The following IL7R variants were observed in gnomAD, a reference collection of about 807,000 sequenced individuals.
IL7R encodes the protein interleukin 7 receptor, also known as interleukin-7 receptor subunit alpha.
IL7R carries 38 observed loss-of-function variants against 47.0 expected under a neutral mutation model. The ratio of observed to expected loss-of-function variants is 0.81; its 90% CI spans 0.62 to 1.06. The LOEUF (loss-of-function observed/expected upper bound fraction) is 1.06, where lower values mean the gene tolerates loss of function less well. Among genes scored for constraint, IL7R ranks in the 50% least tolerant of loss-of-function variants. The pLI is 0.00. For missense variants in IL7R, 633 were observed against 534.8 expected, an observed-to-expected ratio of 1.18 and a Z score of -1.81; for synonymous variants, 221 against 199.8, an observed-to-expected ratio of 1.11 and a Z score of -0.89.
chr5:35,873,381 T>C (rs1290409872), intron 4 of IL7R, 99 bp from the exon 5 acceptor site: 12 of 1,014,382 alleles, frequency 1.2e-5, no homozygotes, highest in Non-Finnish European at 1.7e-5. Context: ...CTTCAGAGAA[T>C]GCTTATGGGA....
At chr5:35,865,884 G>A (rs1001594797) in intron 2 of IL7R, among the ~76,000 whole-genome samples, 5 of 152,106 alleles carry the variant, frequency 3.3e-5, no homozygotes, top group Non-Finnish European at 7.4e-5. Flanking sequence ...TCAGAGAAAC[G>A]CAAATCAAAT....
chr5:35,865,132 C>A (rs1360864868), intron 2 of IL7R, among the ~76,000 whole-genome samples: 1 of 152,066 alleles, frequency 6.6e-6, no homozygotes, highest in Non-Finnish European at 1.5e-5. Flanking sequence ...ATGACTGGCC[C>A]TGGTGTGTGA....
rs1420287298 is a variant in IL7R, at chr5:35,867,325, A to C, written c.241A>C (p.Lys81Gln). ...CTACAGTGGGGCCCTCGTGGAGGTA[A>C]AGTGCCTGAATTTCAGGAAACTACA... Reference protein sequence around the residue: ...FEICGALVEVKCLNFRKLQEI... With the variant: ...FEICGALVEVQCLNFRKLQEI... Residue 81 changes from lysine to glutamine, a missense_variant, in exon 3 of 8, where the codon AAG (lysine) becomes CAG (glutamine). Lys to Gln is a moderately conservative substitution (Grantham distance 53, BLOSUM62 1). Transcript: ENST00000303115. 3 of 1,613,662 alleles carry C rather than the reference A, an allele frequency of 1.9e-6. No individual in the cohort carries two copies. The highest frequency in any genetic ancestry group is 2.7e-5 in the African/African-American group (2 of 74,898).
intron 6 of IL7R, among the ~76,000 whole-genome samples, chr5:35,875,219 T>C (rs551059504): frequency 1.3e-5 from 2 of 152,332 alleles, no homozygotes; most frequent in East Asian, 3.9e-4. Flanking sequence ...ATTACCTCCT[T>C]GCAAGCCTTG....
At chr5:35,870,137 C>A (rs1012664727) in intron 3 of IL7R, among the ~76,000 whole-genome samples, 3 of 152,204 alleles carry the variant, frequency 2.0e-5, no homozygotes, top group African/African-American at 7.2e-5. Context: ...ACTAACTTCC[C>A]AGGCTGTGAC....
intron 1 of IL7R, among the ~76,000 whole-genome samples, chr5:35,857,774 A>G (rs547116157): frequency 1.3e-4 from 20 of 152,244 alleles, no homozygotes; most frequent in African/African-American, 4.6e-4. Flanking sequence ...ACATAAACAC[A>G]TTGTAATTAT....
Position 35,863,982 on chromosome 5 carries a change from A to G in IL7R, c.221+2992A>G, listed in dbSNP as rs573450876. 4.7e-4 allele frequency among the ~76,000 whole-genome samples: 71 copies of G among 152,272 alleles called. 1 individual carries two copies. The highest frequency in any genetic ancestry group is 1.4e-3 in the African/African-American group (59 of 41,572). On this transcript the variant is annotated intron_variant, in intron 2 of 7. Transcript: ENST00000303115. ...ATGTCTATGACCTGTAGCCATTCCA[A>G]TGGTAAAGATATAGAACTTATTTTT...
At chr5:35,860,632 C>T (rs1035164173) in intron 1 of IL7R, among the ~76,000 whole-genome samples, 1 of 151,984 alleles carries the variant, frequency 6.6e-6, no homozygotes, top group Non-Finnish European at 1.5e-5. Context: ...TTGGAAAACT[C>T]TGTTAGCATT....
chr5:35,866,003 C>G (rs1334438931), intron 2 of IL7R, among the ~76,000 whole-genome samples: 1 of 152,126 alleles, frequency 6.6e-6, no homozygotes, highest in African/African-American at 2.4e-5. Context: ...CTTAGGGAAA[C>G]AATTCATGTT....
At position 35,876,135 on chromosome 5, in the gene IL7R, T is replaced by C. The variant is rs2149905510; in HGVS notation, c.1029T>C (p.Asp343=). The C allele has an allele frequency of 6.2e-7, 1 of 1,614,182 alleles. No individual in the cohort carries two copies. Among genetic ancestry groups the C allele is most frequent in the Admixed American group, 1.7e-5 (1 of 60,016 alleles). Residue 343 remains aspartate (D), a synonymous_variant, in exon 8 of 8, where the codon GAT becomes GAC. Coordinates refer to ENST00000303115, the MANE Select transcript of IL7R (RefSeq NM_002185.5). Reference sequence around the variant, plus strand: ...CTGAGAAGCAGAGGCTTGGAGGGGATGTGCAGAGCCCCAACTGCCCATCTG... The same window carrying C: ...CTGAGAAGCAGAGGCTTGGAGGGGACGTGCAGAGCCCCAACTGCCCATCTG... ...EESEKQRLGG[D]VQSPNCPSED...
chr5:35,876,463 T>C lies in IL7R; in HGVS notation c.1357T>C (p.Ser453Pro), dbSNP rs141919625. 867 of 1,604,044 alleles carry C rather than the reference T, an allele frequency of 5.4e-4. No individual in the cohort carries two copies. The highest frequency in any genetic ancestry group is 6.8e-4 in the Non-Finnish European group (802 of 1,179,950). Residue 453 changes from serine (S) to proline (P), a missense_variant, in exon 8 of 8, where the codon TCC (serine) becomes CCC (proline). Ser to Pro is a moderately conservative substitution (Grantham distance 74). Coordinates refer to ENST00000303115, the MANE Select transcript of IL7R (RefSeq NM_002185.5). ...SNQEEAYVTMSSFYQNQ is the reference protein window; with the variant it reads ...SNQEEAYVTMPSFYQNQ The stretch of plus-strand genomic sequence containing the variant: ...TCAAGAAGAAGCATATGTCACCATG[T>C]CCAGCTTCTACCAAAACCAGTGAAG...
chr5:35,874,311 A>G, intron 5 of IL7R, 138 bp from the exon 6 acceptor site: 1 of 748,866 alleles, frequency 1.3e-6, no homozygotes. Context: ...AAGCTGTCAA[A>G]TATGTCTCTT....
At chr5:35,875,858 G>T in intron 7 of IL7R, 125 bp from the exon 8 acceptor site, 1 of 1,077,578 alleles carries the variant, frequency 9.3e-7, no homozygotes, top group African/African-American at 1.6e-5. Flanking sequence ...AGTCCATTGA[G>T]GAACATGCTG....
rs767559651 is a variant in IL7R at position 35,873,538 on chromosome 5, C to T, written c.596C>T (p.Ala199Val). 2.5e-6 allele frequency: 4 copies of T among 1,613,824 alleles called. No individual in the cohort carries two copies. Among genetic ancestry groups the T allele is most frequent in the Non-Finnish European group, 8.5e-7 (1 of 1,179,854 alleles). ...TLLQRKLQPAAMYEIKVRSIP... is the reference protein window; with the variant it reads ...TLLQRKLQPAVMYEIKVRSIP... ...CTGCAGAGAAAGCTCCAACCGGCAG[C>T]AATGTATGAGATTAAAGTTCGATCC... Residue 199 changes from alanine (A) to valine (V), a missense_variant, in exon 5 of 8, where the codon GCA becomes GTA. Coordinates refer to ENST00000303115, the MANE Select transcript of IL7R (RefSeq NM_002185.5).
rs903259773 is a variant in IL7R, at chr5:35,878,826, G to A, written c.*2340G>A. On this transcript the variant is annotated 3_prime_UTR_variant, in exon 8 of 8. Transcript: ENST00000303115. ...CCCTGGTATAAATAGACAATCTCTT[G>A]AAGAAATGAAGAGATGACCATAGAA... 2.6e-5 allele frequency: 6 copies of A among 232,974 alleles called. No individual in the cohort carries two copies. In the East Asian group the frequency reaches 3.0e-4, roughly 12 times the overall value. The allele number at this position is 232,974 out of a possible 1,614,324, so 14.4% of individuals were successfully genotyped here.
intron 1 of IL7R, 66 bp downstream of exon 1, chr5:35,857,125 T>G: frequency 1.0e-6 from 1 of 999,600 alleles, no homozygotes; most frequent in Non-Finnish European, 1.6e-6. Flanking sequence ...GGTTATTCAG[T>G]TCCCTAACAG....
In IL7R at chr5:35,868,025, T is replaced by C. The variant is rs949054409; in HGVS notation, c.379+562T>C. On this transcript the variant is annotated intron_variant, in intron 3 of 7. Transcript: ENST00000303115. ...GGGAACTGGCAATCGCAAAAATCCA[T>C]AAGGCAAGCCAGTAGGCTAGAAATT... Among the ~76,000 whole-genome samples, 4 of 152,262 alleles carry C rather than the reference T, an allele frequency of 2.6e-5. No individual in the cohort carries two copies. In the East Asian group the frequency reaches 7.7e-4, roughly 29 times the overall value.
chr5:35,876,704 G>T lies in IL7R; in HGVS notation c.*218G>T. 1 of 596,360 alleles carries T rather than the reference G, an allele frequency of 1.7e-6. No individual in the cohort carries two copies. Among genetic ancestry groups the T allele is most frequent in the Non-Finnish European group, 3.0e-6 (1 of 336,210 alleles). 36.9% of individuals were successfully genotyped at this position (596,360 alleles called of 1,614,324 possible). On this transcript the variant is annotated 3_prime_UTR_variant, in exon 8 of 8. Transcript: ENST00000303115. ...CATCCTGCTTCTACCATGTGGATTTGGTCACAAGGTTTAAGGTGACCCAAT... is the reference window on the plus strand; with the variant it reads ...CATCCTGCTTCTACCATGTGGATTTTGTCACAAGGTTTAAGGTGACCCAAT...
intron 5 of IL7R, 101 bp from the exon 6 acceptor site, chr5:35,874,348 A>G: frequency 1.2e-6 from 1 of 838,094 alleles, no homozygotes; most frequent in South Asian, 1.3e-5. Flanking sequence ...TCAGGAAATA[A>G]TAAGTGGGCC....
Sources: gnomAD v4.1 joint callset for allele counts (sites outside exome capture counted in the v4.1 genomes callset) on GRCh38, gnomAD v4.1.1 for gene constraint, MANE v1.5 for transcripts, NCBI Gene and HGNC (gene_info 2026-07-23, HGNC 2026-07-21) for gene names.